The following ZNF385D variants were observed in gnomAD, a reference collection of about 807,000 sequenced individuals.
The protein encoded by ZNF385D is zinc finger protein 385D.
In ZNF385D, 15 loss-of-function variants were observed where a neutral mutation model predicts 35.8. The observed-to-expected ratio is 0.42, with a 90% CI of 0.28 to 0.64. ZNF385D has a LOEUF of 0.64. Among genes scored for constraint, ZNF385D ranks in the 30% least tolerant of loss-of-function variants. The probability of loss-of-function intolerance (pLI) is 0.23; values close to 1 mark genes in which losing one functional copy is unlikely to be tolerated. For synonymous variants in ZNF385D, 212 were observed against 186.8 expected (o/e 1.13, Z -1.10); for missense variants, 474 against 494.6 (o/e 0.96, Z 0.39).
At chr3:21,535,133 C>T (rs987895839) in intron 3 of ZNF385D, among the ~76,000 whole-genome samples, 3 of 152,082 alleles carry the variant, frequency 2.0e-5, no homozygotes, top group Non-Finnish European at 2.9e-5. Flanking sequence ...TAACAACTTA[C>T]CTAGAATTCT....
chr3:22,232,099 A>G (rs994365519), intron 2 of ZNF385D, among the ~76,000 whole-genome samples: 6 of 152,116 alleles, frequency 3.9e-5, no homozygotes, highest in African/African-American at 1.4e-4. Context: ...AGTCTTAGGT[A>G]TTTCTTTATA....
intron 3 of ZNF385D, among the ~76,000 whole-genome samples, chr3:22,113,921 A>T (rs1001377182): frequency 6.6e-6 from 1 of 152,120 alleles, no homozygotes; most frequent in African/African-American, 2.4e-5. Flanking sequence ...CTAAATAAAA[A>T]TAATAGGGTA....
intron 2 of ZNF385D, among the ~76,000 whole-genome samples, chr3:22,230,637 T>G (rs2878763): frequency 0.12 from 18,550 of 152,246 alleles, 1,218 homozygotes; most frequent in Middle Eastern, 0.17. Context: ...CTACATTAAT[T>G]GTTCAAGTTA....
chr3:21,986,683 TC>T (rs1694822456), intron 3 of ZNF385D, among the ~76,000 whole-genome samples: 1 of 140,762 alleles, frequency 7.1e-6, no homozygotes, highest in South Asian at 2.3e-4. Flanking sequence ...GTCTATTAGG[TC>T]CGCTTGGTGC....
chr3:22,340,734 C>A (rs1005161346), intron 2 of ZNF385D, among the ~76,000 whole-genome samples: 5 of 152,140 alleles, frequency 3.3e-5, no homozygotes, highest in Non-Finnish European at 5.9e-5. Context: ...TTCCTAGTGT[C>A]TCCTTACATT....
chr3:21,851,536 T>C (rs75870113), intron 3 of ZNF385D, among the ~76,000 whole-genome samples: 5,869 of 152,066 alleles, frequency 0.039, 395 homozygotes, highest in African/African-American at 0.13. Flanking sequence ...AAATAGCCAA[T>C]GAATAAACAA....
chr3:22,330,364 G>A (rs1254344627), intron 2 of ZNF385D, among the ~76,000 whole-genome samples: 1 of 151,902 alleles, frequency 6.6e-6, no homozygotes, highest in Non-Finnish European at 1.5e-5. Context: ...TGTTTTTATT[G>A]TCTGTCTTAA....
At chr3:22,069,073 G>C (rs1176134970) in intron 3 of ZNF385D, among the ~76,000 whole-genome samples, 2 of 152,198 alleles carry the variant, frequency 1.3e-5, no homozygotes, top group Non-Finnish European at 2.9e-5. Flanking sequence ...TGTTCAACTA[G>C]TAAAAGGATA....
At chr3:21,598,095 A>C (rs984588393) in intron 2 of ZNF385D, among the ~76,000 whole-genome samples, 6 of 152,202 alleles carry the variant, frequency 3.9e-5, no homozygotes, top group African/African-American at 1.4e-4. Context: ...AATAATTCAT[A>C]AGCGGTTGAA....
intron 3 of ZNF385D, among the ~76,000 whole-genome samples, chr3:22,094,038 GTGGGT>G (rs1265218576): frequency 6.6e-6 from 1 of 151,970 alleles, no homozygotes; most frequent in Non-Finnish European, 1.5e-5. Flanking sequence ...ATTTTAATAA[GTGGGT>G]TGACTGGATT....
chr3:21,529,807 C>G (rs1285101250), intron 3 of ZNF385D, among the ~76,000 whole-genome samples: 1 of 152,130 alleles, frequency 6.6e-6, no homozygotes, highest in African/African-American at 2.4e-5. Flanking sequence ...TTTGGCTTTC[C>G]TTTCTATGGA....
At chr3:22,110,882 A>G (rs1006746194) in intron 3 of ZNF385D, among the ~76,000 whole-genome samples, 6 of 152,096 alleles carry the variant, frequency 3.9e-5, no homozygotes, top group African/African-American at 1.4e-4. Flanking sequence ...TAAGGCTGTC[A>G]AGAGAGGTAT....
chr3:22,180,772 G>C (rs1293723297), intron 2 of ZNF385D, among the ~76,000 whole-genome samples: 1 of 152,114 alleles, frequency 6.6e-6, no homozygotes, highest in Non-Finnish European at 1.5e-5. Flanking sequence ...ATTAGGTATT[G>C]ATGGGACATA....
chr3:21,914,095 C>A (rs1700086571), intron 3 of ZNF385D, among the ~76,000 whole-genome samples: 1 of 151,998 alleles, frequency 6.6e-6, no homozygotes, highest in African/African-American at 2.4e-5. Context: ...CACAGGGAGA[C>A]ACATGTAGCC....
At chr3:22,173,449 C>T (rs540557384) in intron 2 of ZNF385D, among the ~76,000 whole-genome samples, 1 of 152,120 alleles carries the variant, frequency 6.6e-6, no homozygotes, top group Non-Finnish European at 1.5e-5. Flanking sequence ...TTCTGCAACT[C>T]TAAGACAATT....
At chr3:21,999,144 T>G (rs754096252) in intron 3 of ZNF385D, among the ~76,000 whole-genome samples, 1 of 152,198 alleles carries the variant, frequency 6.6e-6, no homozygotes, top group Non-Finnish European at 1.5e-5. Flanking sequence ...TTCACAGAAC[T>G]GCAGCATTTC....
At chr3:21,820,211 T>C (rs1273850975) in intron 3 of ZNF385D, among the ~76,000 whole-genome samples, 2 of 151,836 alleles carry the variant, frequency 1.3e-5, no homozygotes, top group African/African-American at 2.4e-5. Flanking sequence ...ATATTTATTC[T>C]AGTCAATAAA....
intron 3 of ZNF385D, among the ~76,000 whole-genome samples, chr3:21,931,926 C>T (rs989244338): frequency 2.0e-5 from 3 of 151,766 alleles, no homozygotes; most frequent in Non-Finnish European, 4.4e-5. Context: ...CTTTGGGATG[C>T]CAAGGTAGGC....
At chr3:21,931,563 G>A (rs1325423213) in intron 3 of ZNF385D, among the ~76,000 whole-genome samples, 2 of 152,092 alleles carry the variant, frequency 1.3e-5, no homozygotes, top group African/African-American at 4.8e-5. Flanking sequence ...CGGCATATTC[G>A]TAGAGTGGAA....
Sources: allele counts gnomAD v4.1 joint callset (sites outside exome capture counted in the v4.1 genomes callset), GRCh38; gene constraint gnomAD v4.1.1; transcripts MANE v1.5; gene names NCBI Gene and HGNC (gene_info 2026-07-23, HGNC 2026-07-21).